The following IFIH1 variants were observed in gnomAD, a reference collection of about 807,000 sequenced individuals.
The protein encoded by IFIH1 is interferon induced with helicase C domain 1, also known as interferon-induced helicase C domain-containing protein 1.
A neutral mutation model predicts 107.4 loss-of-function variants in IFIH1; 125 were observed. That is an observed-to-expected ratio of 1.16 (90% CI 1.01 to 1.35). IFIH1 has a LOEUF of 1.35. IFIH1 is among the 40% of genes most tolerant of loss of function. The pLI is 0.00. For synonymous variants in IFIH1, 458 were observed against 413.2 expected, an observed-to-expected ratio of 1.11 and a Z score of -1.31; for missense variants, 1,333 against 1,213.7, an observed-to-expected ratio of 1.10 and a Z score of -1.46.
intron 11 of IFIH1, 58 bp downstream of exon 11, chr2:162,276,629 G>A (rs1682668984): frequency 1.3e-6 from 2 of 1,533,608 alleles, no homozygotes; most frequent in Non-Finnish European, 1.8e-6. Flanking sequence ...GAGAAGAAGA[G>A]AAGAGAAGAA....
intron 3 of IFIH1, among the ~76,000 whole-genome samples, chr2:162,304,976 C>T (rs766736937): frequency 5.1e-4 from 78 of 152,076 alleles, no homozygotes; most frequent in Non-Finnish European, 1.0e-3. Flanking sequence ...CAAACTGTGA[C>T]ATAAGTACAA....
In IFIH1 at chr2:162,276,820, A is replaced by G. The variant is rs1682677959; in HGVS notation, c.2171T>C (p.Phe724Ser). 6.2e-7 allele frequency: 1 copy of G among 1,613,858 alleles called. No homozygotes were observed. The highest frequency in any genetic ancestry group is 8.5e-7 in the Non-Finnish European group (1 of 1,179,936). ...RTEESARGIIFTKTRQSAYAL... is the reference protein window; with the variant it reads ...RTEESARGIISTKTRQSAYAL... ...ATATGCACTCTGTCGTGTTTTTGTA[A>G]AGATTATTCCTCGTGCTGATTCCTC... The change falls in exon 11 of 16, where the codon TTT (phenylalanine) becomes TCT (serine). Residue 724 changes from phenylalanine (F) to serine (S), a missense_variant. Phe to Ser is a radical substitution (Grantham distance 155). Coordinates refer to ENST00000649979, the MANE Select transcript of IFIH1 (RefSeq NM_022168.4).
intron 3 of IFIH1, among the ~76,000 whole-genome samples, chr2:162,300,018 C>T (rs544979324): frequency 3.9e-5 from 6 of 152,278 alleles, no homozygotes; most frequent in African/African-American, 9.6e-5. Context: ...AGCTTTCTCT[C>T]GTCAGTCTTC....
In IFIH1 at chr2:162,273,942, A is replaced by T; in HGVS notation, c.2307T>A (p.Asn769Lys). 6.3e-7 allele frequency: 1 copy of T among 1,583,782 alleles called. No individual in the cohort carries two copies. The highest frequency in any genetic ancestry group is 8.6e-7 in the Non-Finnish European group (1 of 1,156,960). Residue 769 changes from asparagine (N) to lysine (K), a missense_variant and splice_region_variant, in exon 12 of 16, where the codon AAT becomes AAA. Coordinates refer to ENST00000649979, the MANE Select transcript of IFIH1 (RefSeq NM_022168.4). ...HSSEFKPMTQNEQKEVISKFR... is the reference protein window; with the variant it reads ...HSSEFKPMTQKEQKEVISKFR... ...ATTTACTAATGACTTCTTTTTGTTC[A>T]TTCTGTAGAAACATTTTAATAAATT...
In IFIH1 at chr2:162,277,580, C is replaced by T. The variant is rs35744605; in HGVS notation, c.1879G>A (p.Glu627Lys). 6.2e-7 allele frequency: 1 copy of T among 1,611,082 alleles called. No homozygotes were observed. Among genetic ancestry groups the T allele is most frequent in the Non-Finnish European group, 8.5e-7 (1 of 1,177,454 alleles). The change falls in exon 10 of 16, where the codon GAA (glutamate) becomes AAA (lysine). Residue 627 changes from glutamate to lysine, a missense_variant. Coordinates refer to ENST00000649979, the MANE Select transcript of IFIH1 (RefSeq NM_022168.4). ...TCTTTCTCTTCATTATAGAAAGTTT[C>T]AAGATGAGTATACGCATCTATCATT... ...IRMIDAYTHLETFYNEEKDKK... is the reference protein window; with the variant it reads ...IRMIDAYTHLKTFYNEEKDKK...
At position 162,276,855 on chromosome 2, in the gene IFIH1, A is replaced by G. The variant is rs1324111892; in HGVS notation, c.2136T>C (p.Tyr712=). ...CTCGTGCTGATTCCTCAGTCCTAGTATATTGCTCCATTATGGTATTTCTTA... is the reference window on the plus strand; with the variant it reads ...CTCGTGCTGATTCCTCAGTCCTAGTGTATTGCTCCATTATGGTATTTCTTA... ...TKLRNTIMEQ[Y]TRTEESARGI... Residue 712 remains tyrosine, a synonymous_variant, in exon 11 of 16, where the codon TAT becomes TAC. Transcript: ENST00000649979. 3 of 1,613,726 alleles carry G rather than the reference A, an allele frequency of 1.9e-6. No homozygotes were observed. Among genetic ancestry groups the G allele is most frequent in the Admixed American group, 1.7e-5 (1 of 59,956 alleles).
intron 4 of IFIH1, among the ~76,000 whole-genome samples, chr2:162,292,517 C>A (rs1000561117): frequency 6.6e-6 from 1 of 151,762 alleles, no homozygotes; most frequent in African/African-American, 2.4e-5. Flanking sequence ...ATTTGGAAAG[C>A]ATTTAGGATT....
rs1690951035 is a variant in IFIH1, at chr2:162,267,584, G to A, written c.2808-15C>T. 2 of 1,558,352 alleles carry A rather than the reference G, an allele frequency of 1.3e-6. No individual in the cohort carries two copies. The highest frequency in any genetic ancestry group is 1.8e-6 in the Non-Finnish European group (2 of 1,128,796). On this transcript the variant is annotated splice_polypyrimidine_tract_variant and intron_variant, in intron 14 of 15. Coordinates refer to ENST00000649979, the MANE Select transcript of IFIH1 (RefSeq NM_022168.4). Reference sequence around the variant, plus strand: ...TGTAAAGTTCCCTATAAGTATCAAAGGGAAAGAATCATCATGGAGAACTGA... The same window carrying A: ...TGTAAAGTTCCCTATAAGTATCAAAAGGAAAGAATCATCATGGAGAACTGA...
At chr2:162,282,309 TTTG>T in intron 6 of IFIH1, 54 bp downstream of exon 6, 1 of 1,112,724 alleles carries the variant, frequency 9.0e-7, no homozygotes, top group Non-Finnish European at 1.3e-6. Flanking sequence ...AAATACAGCC[TTTG>T]TTATCATCAA....
intron 3 of IFIH1, among the ~76,000 whole-genome samples, chr2:162,303,275 C>T (rs1355512973): frequency 1.3e-5 from 2 of 152,090 alleles, no homozygotes; most frequent in Admixed American, 6.5e-5. Context: ...CCACCATGCT[C>T]GGCTAAGTTT....
intron 5 of IFIH1, among the ~76,000 whole-genome samples, chr2:162,285,105 G>A (rs1682875530): frequency 6.6e-6 from 1 of 151,888 alleles, no homozygotes; most frequent in South Asian, 2.1e-4. Context: ...GGTCCTCTTG[G>A]AGCCTTTTCT....
At chr2:162,303,578 GA>G (rs2105223722) in intron 3 of IFIH1, among the ~76,000 whole-genome samples, 1 of 151,604 alleles carries the variant, frequency 6.6e-6, no homozygotes, top group South Asian at 2.1e-4. Context: ...TTAAATGAAA[GA>G]AGTGAAAGGA....
chr2:162,299,537 G>A (rs1683155169), intron 3 of IFIH1, among the ~76,000 whole-genome samples: 1 of 152,088 alleles, frequency 6.6e-6, no homozygotes, highest in Admixed American at 6.5e-5. Context: ...TTTCCAGCAT[G>A]ATGTCCTGTG....
rs915147184 is a variant in IFIH1, at chr2:162,277,754, C to T, written c.1766-61G>A. The T allele has an allele frequency of 2.0e-6, 3 of 1,523,126 alleles. No homozygotes were observed. In the African/African-American group the frequency reaches 4.2e-5, roughly 21 times the overall value. The allele number at this position is 1,523,126 out of a possible 1,614,324, so 94.4% of individuals were successfully genotyped here. A position where few individuals can be genotyped will look rare whatever the true frequency, so the allele number is the denominator to read the frequency against. On this transcript the variant is annotated intron_variant, in intron 9 of 15. Coordinates refer to ENST00000649979, the MANE Select transcript of IFIH1 (RefSeq NM_022168.4). ...GCATATAAACCCCCTAAAATTGTGC[C>T]ATGGACTTGAATATATGTTACTAAC...
intron 1 of IFIH1, among the ~76,000 whole-genome samples, chr2:162,311,491 T>C (rs1293033378): frequency 1.3e-5 from 2 of 152,130 alleles, no homozygotes; most frequent in African/African-American, 2.4e-5. Context: ...CTATAATCAA[T>C]TTTTCTCAAA....
At chr2:162,314,427 T>TC (rs1683444696) in intron 1 of IFIH1, among the ~76,000 whole-genome samples, 1 of 100,268 alleles carries the variant, frequency 1.0e-5, no homozygotes, top group African/African-American at 5.7e-5. Context: ...TTTCTTTCTT[T>TC]CTTTCTTTCT....
intron 13 of IFIH1, among the ~76,000 whole-genome samples, chr2:162,269,173 A>G (rs563872023): frequency 6.6e-6 from 1 of 152,322 alleles, no homozygotes; most frequent in East Asian, 1.9e-4. Flanking sequence ...TAGCTAAATG[A>G]CTACATTTCC....
chr2:162,316,062 A>G (rs866064501), intron 1 of IFIH1, among the ~76,000 whole-genome samples: 23 of 152,238 alleles, frequency 1.5e-4, no homozygotes, highest in South Asian at 1.2e-3. Context: ...CATTACTGCT[A>G]GCTGCCTCCA....
intron 10 of IFIH1, 109 bp from the exon 11 acceptor site, chr2:162,277,055 T>A: frequency 1.4e-6 from 1 of 740,500 alleles, no homozygotes. Flanking sequence ...TTTTATTGAT[T>A]AAAAATTAAT....
Sources: gnomAD v4.1 joint callset for allele counts (sites outside exome capture counted in the v4.1 genomes callset) on GRCh38, gnomAD v4.1.1 for gene constraint, MANE v1.5 for transcripts, NCBI Gene and HGNC (gene_info 2026-07-23, HGNC 2026-07-21) for gene names.